The following SVEP1 variants were observed in gnomAD, a reference collection of about 807,000 sequenced individuals.
SVEP1 encodes the protein sushi, von Willebrand factor type A, EGF and pentraxin domain-containing protein 1.
In SVEP1, 164 loss-of-function variants were observed where a neutral mutation model predicts 367.3. The ratio of observed to expected loss-of-function variants is 0.45; its 90% CI spans 0.39 to 0.51. The LOEUF is 0.51. Among genes scored for constraint, SVEP1 ranks in the 20% least tolerant of loss-of-function variants. SVEP1 has a pLI of 0.00. For synonymous variants in SVEP1, 1,666 were observed against 1,611.6 expected, an observed-to-expected ratio of 1.03 and a Z score of -0.81; for missense variants, 4,117 against 4,425.3, an observed-to-expected ratio of 0.93 and a Z score of 1.98.
Position 110,407,146 on chromosome 9 carries a change from G to A in SVEP1, c.8454C>T (p.Asp2818=). ...NGTERRTCQD[D]KNWDEDEPIC... is the part of the protein sequence containing the mutation. ...TGGGCTCATCCTCATCCCAGTTTTT[G>A]TCATCCTGGCATGTTCTCCTCTCAG... The change falls in exon 38 of 48, where the codon GAC becomes GAT. Residue 2818 remains aspartate, a synonymous_variant. Coordinates refer to ENST00000374469, the MANE Select transcript of SVEP1 (RefSeq NM_153366.4). The A allele has an allele frequency of 6.2e-7, 1 of 1,613,986 alleles. No individual in the cohort carries two copies. The highest frequency in any genetic ancestry group is 8.5e-7 in the Non-Finnish European group (1 of 1,179,886).
intron 9 of SVEP1, among the ~76,000 whole-genome samples, chr9:110,489,145 G>C (rs1829329285): frequency 6.6e-6 from 1 of 152,182 alleles, no homozygotes; most frequent in Non-Finnish European, 1.5e-5. Context: ...GTTTCAAACA[G>C]GGAGTGCTTT....
At position 110,430,270 on chromosome 9, in the gene SVEP1, A is replaced by C. The variant is rs1828331074; in HGVS notation, c.5530+4T>G. On this transcript the variant is annotated splice_donor_region_variant and intron_variant, in intron 33 of 47. Transcript: ENST00000374469. The stretch of plus-strand genomic sequence containing the variant: ...AAGAAACGTGGTAAATTTACTAAAC[A>C]TACCTTTACAATATGGTATTAGATG... The C allele has an allele frequency of 6.2e-7, 1 of 1,609,664 alleles. No individual in the cohort carries two copies. Among genetic ancestry groups the C allele is most frequent in the Non-Finnish European group, 8.5e-7 (1 of 1,177,876 alleles).
chr9:110,426,089 G>A (rs922697767), intron 36 of SVEP1, among the ~76,000 whole-genome samples: 7 of 152,282 alleles, frequency 4.6e-5, no homozygotes, highest in African/African-American at 1.7e-4. Context: ...TTTCTTATGT[G>A]AGTGAGTCCA....
intron 20 of SVEP1, 56 bp from the exon 21 acceptor site, chr9:110,457,408 C>G (rs1325586201): frequency 7.2e-7 from 1 of 1,390,820 alleles, no homozygotes; most frequent in African/African-American, 1.4e-5. Flanking sequence ...TATTTCAAAG[C>G]AGTCCTGATT....
Position 110,411,497 on chromosome 9 carries a change from C to T in SVEP1, c.6214G>A (p.Gly2072Ser), listed in dbSNP as rs753133131. Residue 2072 changes from glycine to serine, a missense_variant, in exon 37 of 48, where the codon GGT (glycine) becomes AGT (serine). Transcript: ENST00000374469. Reference protein sequence around the residue: ...NAQGKWVPPEGQDMPRCIAHF... With the variant: ...NAQGKWVPPESQDMPRCIAHF... ...GCTATACAACGGGGCATGTCTTGAC[C>T]TTCTGGGGGTACCCACTTGCCCTGG... is the stretch of plus-strand genomic sequence containing the variant. 3.1e-6 allele frequency: 5 copies of T among 1,613,896 alleles called. No homozygotes were observed. In the East Asian group the frequency reaches 1.1e-4, roughly 36 times the overall value.
At chr9:110,376,296 A>G (rs1827350138) in intron 45 of SVEP1, among the ~76,000 whole-genome samples, 1 of 152,190 alleles carries the variant, frequency 6.6e-6, no homozygotes, top group Admixed American at 6.5e-5. Flanking sequence ...CAGCCAAGCC[A>G]GACCTGTCGT....
chr9:110,397,058 G>A (rs1382925296), intron 40 of SVEP1, among the ~76,000 whole-genome samples: 3 of 151,888 alleles, frequency 2.0e-5, no homozygotes, highest in Admixed American at 1.3e-4. Flanking sequence ...AATTTTAGAT[G>A]AATATCCTTG....
chr9:110,575,656 G>A (rs1334678994), intron 1 of SVEP1, among the ~76,000 whole-genome samples: 2 of 151,958 alleles, frequency 1.3e-5, no homozygotes, highest in Admixed American at 6.6e-5. Flanking sequence ...AGATCCAGTA[G>A]ACTAACAAAA....
At chr9:110,366,991 G>A (rs928703760) in intron 47 of SVEP1, among the ~76,000 whole-genome samples, 7 of 152,302 alleles carry the variant, frequency 4.6e-5, no homozygotes, top group African/African-American at 1.4e-4. Context: ...TGAATTATCT[G>A]GAGAAAAGGC....
chr9:110,557,235 C>T (rs1830367072), intron 1 of SVEP1, among the ~76,000 whole-genome samples: 1 of 152,212 alleles, frequency 6.6e-6, no homozygotes, highest in Non-Finnish European at 1.5e-5. Flanking sequence ...TTTTCTTCTA[C>T]ACCACTGTTT....
chr9:110,466,018 T>C lies in SVEP1; in HGVS notation c.3169A>G (p.Lys1057Glu). The change falls in exon 18 of 48, where the codon AAA becomes GAA. Residue 1057 changes from lysine (K) to glutamate (E), a missense_variant. Lys to Glu is a moderately conservative substitution (Grantham distance 56). Coordinates refer to ENST00000374469, the MANE Select transcript of SVEP1 (RefSeq NM_153366.4). The stretch of plus-strand genomic sequence containing the variant: ...CCACTGTATGAGTAGGTGCCTTGTT[T>C]ACACTGAGCTGAAAAGAAAAAGGTA... ...RNISDCKAQC[K>E]QGTYSYSGLE... 6.2e-7 allele frequency: 1 copy of C among 1,612,022 alleles called. No homozygotes were observed. Among genetic ancestry groups the C allele is most frequent in the Non-Finnish European group, 8.5e-7 (1 of 1,178,436 alleles).
rs576287007 is a variant in SVEP1, at chr9:110,372,581, G to A, written c.10601-2565C>T. On this transcript the variant is annotated intron_variant, in intron 46 of 47. Coordinates refer to ENST00000374469, the MANE Select transcript of SVEP1 (RefSeq NM_153366.4). ...GCATGATTCTAACTAGTTGTGTAAC[G>A]TTTATAGAAATGGAATGTTAGAAAG... 3.9e-5 allele frequency among the ~76,000 whole-genome samples: 6 copies of A among 152,304 alleles called. No homozygotes were observed. The East Asian group carries it at 5.8e-4, about 15-fold the overall frequency.
chr9:110,389,117 T>C (rs1321122673), intron 41 of SVEP1, among the ~76,000 whole-genome samples: 1 of 152,190 alleles, frequency 6.6e-6, no homozygotes, highest in African/African-American at 2.4e-5. Context: ...ATGCAAAATA[T>C]TAATATTAAT....
chr9:110,466,005 T>G lies in SVEP1; in HGVS notation c.3182A>C (p.Tyr1061Ser), dbSNP rs774156497. 23 of 1,613,422 alleles carry G rather than the reference T, an allele frequency of 1.4e-5. No homozygotes were observed. Among genetic ancestry groups the G allele is most frequent in the Non-Finnish European group, 1.9e-5 (22 of 1,179,600 alleles). ...ACAAGTCTCAAGTCCACTGTATGAG[T>G]AGGTGCCTTGTTTACACTGAGCTGA... ...DCKAQCKQGT[Y>S]SYSGLETCES... Residue 1061 changes from tyrosine to serine, a missense_variant, in exon 18 of 48, where the codon TAC (tyrosine) becomes TCC (serine). This residue lies in a region of SVEP1 where 2,174 missense variants were observed against 2,494.3 expected (regional missense o/e 0.87). Coordinates refer to ENST00000374469, the MANE Select transcript of SVEP1 (RefSeq NM_153366.4).
At chr9:110,369,814 A>G in intron 47 of SVEP1, 109 bp downstream of exon 47, 1 of 862,918 alleles carries the variant, frequency 1.2e-6, no homozygotes, top group Non-Finnish European at 1.7e-6. Flanking sequence ...TTCACATACA[A>G]AATACTTACA....
chr9:110,396,969 G>A (rs373523987), intron 40 of SVEP1, among the ~76,000 whole-genome samples: 20 of 148,248 alleles, frequency 1.3e-4, no homozygotes, highest in South Asian at 4.3e-4. Context: ...CAGAAAAAGA[G>A]GGAATCCTCC....
At chr9:110,429,807 A>T in intron 34 of SVEP1, 113 bp downstream of exon 34, 1 of 781,950 alleles carries the variant, frequency 1.3e-6, no homozygotes, top group Non-Finnish European at 2.1e-6. Context: ...ATTACATATT[A>T]ATTCAAAAAT....
intron 27 of SVEP1, chr9:110,442,977 G>A (rs1400076377): frequency 2.0e-5 from 3 of 151,972 alleles, no homozygotes; most frequent in Non-Finnish European, 4.4e-5. Flanking sequence ...AAACAAATGA[G>A]CAAAGTAAAA....
chr9:110,408,857 T>C lies in SVEP1; in HGVS notation c.6743A>G (p.Asn2248Ser), dbSNP rs769977699. Residue 2248 changes from asparagine to serine, a missense_variant, in exon 38 of 48, where the codon AAT becomes AGT. Physicochemically the swap from Asn to Ser is conservative, Grantham distance 46. Transcript: ENST00000374469. ...AGGGGATTCACTGTGCCAGTGGCGA[T>C]TGGCTTGGCAGACAAATACAGGACT... Reference protein sequence around the residue: ...VGSPVFVCQANRHWHSESPLM... With the variant: ...VGSPVFVCQASRHWHSESPLM... 1.3e-5 allele frequency: 21 copies of C among 1,613,550 alleles called. No individual in the cohort carries two copies. In the Admixed American group the frequency reaches 2.0e-4, roughly 15 times the overall value.
Sources: gnomAD v4.1 joint callset for allele counts (sites outside exome capture counted in the v4.1 genomes callset) on GRCh38, gnomAD v4.1.1 for gene constraint, gnomAD v4.1.1 regional missense constraint, MANE v1.5 for transcripts, NCBI Gene and HGNC (gene_info 2026-07-23, HGNC 2026-07-21) for gene names.